Variants in LRP12 observed in about 807,000 individuals in gnomAD.
LRP12 encodes the protein low-density lipoprotein receptor-related protein 12.
LRP12 carries 14 observed loss-of-function variants against 66.0 expected under a neutral mutation model. That is an observed-to-expected ratio of 0.21 (90% confidence interval 0.14 to 0.33). The LOEUF (loss-of-function observed/expected upper bound fraction) is 0.33, where lower values mean the gene tolerates loss of function less well. Ranked by LOEUF, LRP12 falls within the 10% of genes least tolerant of loss-of-function variation. LRP12 has a pLI of 1.00. For missense variants in LRP12, 889 were observed against 1,053.4 expected (o/e 0.84, Z 2.16); for synonymous variants, 357 against 359.1 (o/e 0.99, Z 0.07).
At position 104,490,548 on chromosome 8, in the gene LRP12, TATA is replaced by T. The variant is rs543562720; in HGVS notation, c.*122_*124del. 6,195 of 1,110,672 alleles carry T rather than the reference TATA, an allele frequency of 5.6e-3. 30 individuals are homozygous for T. The highest frequency in any genetic ancestry group is 7.2e-3 in the Non-Finnish European group (5,603 of 782,622). 68.8% of individuals were successfully genotyped at this position (1,110,672 alleles called of 1,614,324 possible). On this transcript the variant is annotated 3_prime_UTR_variant, in exon 7 of 7. Coordinates refer to ENST00000276654, the MANE Select transcript of LRP12 (RefSeq NM_013437.5). ...TCGAATTTAACCATGCAGGCTAACA[TATA>T]ATAATAAGAAATCACCCTGCATTTT...
intron 3 of LRP12, chr8:104,508,663 G>T (rs1810943983): frequency 3.9e-6 from 1 of 254,234 alleles, no homozygotes; most frequent in Non-Finnish European, 7.5e-6. Context: ...ACCCTAATAG[G>T]CTATTTTGCA....
In LRP12 at chr8:104,536,754, A is replaced by T. The variant is rs72679140; in HGVS notation, c.80-4791T>A. 7.5e-3 allele frequency among the ~76,000 whole-genome samples: 1,131 copies of T among 151,264 alleles called. 11 individuals are homozygous for T. The highest frequency in any genetic ancestry group is 0.011 in the Non-Finnish European group (751 of 67,714). On this transcript the variant is annotated intron_variant, in intron 1 of 6. Coordinates refer to ENST00000276654, the MANE Select transcript of LRP12 (RefSeq NM_013437.5). ...AGTGCGATTAGACAAGAATTGTTTT[A>T]AAAAAAAAGTAAAACTGTGTCCATG...
intron 3 of LRP12, among the ~76,000 whole-genome samples, chr8:104,503,974 A>G (rs1171144340): frequency 6.6e-6 from 1 of 152,106 alleles, no homozygotes; most frequent in African/African-American, 2.4e-5. Flanking sequence ...CAGGTTAAGG[A>G]AATTCCTTTT....
chr8:104,565,875 T>TAC (rs371469927), intron 1 of LRP12, among the ~76,000 whole-genome samples: 8 of 114,232 alleles, frequency 7.0e-5, no homozygotes, highest in South Asian at 2.8e-4. Flanking sequence ...AAAAAAAAAA[T>TAC]ACACACACAC....
chr8:104,490,370 A>AT lies in LRP12; in HGVS notation c.*302dup. ...TAGGATAGATAAAAATGACAATCAA[A>AT]TGAGTTTCAGCAGCCACATTTCTAC... On this transcript the variant is annotated 3_prime_UTR_variant, in exon 7 of 7. Transcript: ENST00000276654. The AT allele has an allele frequency of 4.0e-6, 1 of 250,344 alleles. No individual in the cohort carries two copies. Among genetic ancestry groups the AT allele is most frequent in the Admixed American group, 4.9e-5 (1 of 20,294 alleles). 15.5% of individuals were successfully genotyped at this position (250,344 alleles called of 1,614,324 possible). A position where few individuals can be genotyped will look rare whatever the true frequency, so the allele number is the denominator to read the frequency against.
Position 104,491,155 on chromosome 8 carries a change from T to C in LRP12, c.2098A>G (p.Thr700Ala). The C allele has an allele frequency of 1.2e-6, 2 of 1,614,088 alleles. No individual in the cohort carries two copies. The highest frequency in any genetic ancestry group is 1.7e-6 in the Non-Finnish European group (2 of 1,180,022). ...CCATTATCTGCATGACCACCTCGGG[T>C]ACTCTGAGTTGAGGAACTTGCACAT... ...GACASSSTQS[T>A]RGGHADNGRD... The change falls in exon 7 of 7, where the codon ACC becomes GCC. Residue 700 changes from threonine (T) to alanine (A), a missense_variant. Thr to Ala is a moderately conservative substitution (Grantham distance 58). Coordinates refer to ENST00000276654, the MANE Select transcript of LRP12 (RefSeq NM_013437.5).
At position 104,501,826 on chromosome 8, in the gene LRP12, A is replaced by G. The variant is rs373912448; in HGVS notation, c.273-2307T>C. 5.7e-4 allele frequency among the ~76,000 whole-genome samples: 87 copies of G among 152,178 alleles called. 1 individual carries two copies. The highest frequency in any genetic ancestry group is 2.0e-3 in the African/African-American group (82 of 41,536). ...AACCTTTTAATAAGCAGAAGTTTTA[A>G]ATTTTAGTCTTCATTAAGTCTAATT... On this transcript the variant is annotated intron_variant, in intron 3 of 6. Transcript: ENST00000276654.
chr8:104,584,616 C>T (rs1812302776), intron 1 of LRP12, among the ~76,000 whole-genome samples: 1 of 151,808 alleles, frequency 6.6e-6, no homozygotes, highest in South Asian at 2.1e-4. Flanking sequence ...CCTCCATACT[C>T]TATCTAGAAT....
chr8:104,532,357 C>G (rs1203151488), intron 1 of LRP12, among the ~76,000 whole-genome samples: 1 of 149,656 alleles, frequency 6.7e-6, no homozygotes, highest in Non-Finnish European at 1.5e-5. Flanking sequence ...CTGTCAGGGC[C>G]ACATATGTTG....
In LRP12 at chr8:104,508,933, A is replaced by T; in HGVS notation, c.272+6T>A. 1 of 1,606,618 alleles carries T rather than the reference A, an allele frequency of 6.2e-7. No individual in the cohort carries two copies. The highest frequency in any genetic ancestry group is 8.5e-7 in the Non-Finnish European group (1 of 1,175,322). The stretch of plus-strand genomic sequence containing the variant: ...ATTATATAGTAATACAGAAAGGTAG[A>T]ATTACCTTATAGTAATGATTTCGCC... On this transcript the variant is annotated splice_donor_region_variant and intron_variant, in intron 3 of 6. Transcript: ENST00000276654.
chr8:104,548,386 A>G (rs1400187520), intron 1 of LRP12, among the ~76,000 whole-genome samples: 1 of 82,408 alleles, frequency 1.2e-5, no homozygotes, highest in Non-Finnish European at 2.0e-5. Context: ...ATATAAATAT[A>G]TAATATATAT....
At position 104,549,169 on chromosome 8, in the gene LRP12, T is replaced by G. The variant is rs117564060; in HGVS notation, c.80-17206A>C. 7.6e-3 allele frequency among the ~76,000 whole-genome samples: 1,150 copies of G among 152,170 alleles called. 10 individuals are homozygous for G. The highest frequency in any genetic ancestry group is 0.014 in the Middle Eastern group (4 of 294). ...TAAAAAACAAAAGCAAAACCACTAC[T>G]TTCTTGCCAGTGCACCTCCTTCCTT... On this transcript the variant is annotated intron_variant, in intron 1 of 6. Coordinates refer to ENST00000276654, the MANE Select transcript of LRP12 (RefSeq NM_013437.5).
intron 1 of LRP12, among the ~76,000 whole-genome samples, chr8:104,549,340 C>T (rs1434602605): frequency 6.6e-6 from 1 of 151,252 alleles, no homozygotes; most frequent in Non-Finnish European, 1.5e-5. Flanking sequence ...CATGTGGAAA[C>T]GGATACCAAT....
At chr8:104,583,882 T>G (rs1053334533) in intron 1 of LRP12, among the ~76,000 whole-genome samples, 7 of 152,332 alleles carry the variant, frequency 4.6e-5, no homozygotes, top group Non-Finnish European at 8.8e-5. Flanking sequence ...ATTAAGTACT[T>G]GTAAGTAAAT....
chr8:104,567,135 A>G (rs1812017725), intron 1 of LRP12, among the ~76,000 whole-genome samples: 1 of 152,198 alleles, frequency 6.6e-6, no homozygotes, highest in African/African-American at 2.4e-5. Flanking sequence ...GGTTTTGGCC[A>G]GGAGAATTAG....
At chr8:104,500,257 T>C (rs76405558) in intron 3 of LRP12, among the ~76,000 whole-genome samples, 2,724 of 152,326 alleles carry the variant, frequency 0.018, 88 homozygotes, top group African/African-American at 0.061. Flanking sequence ...AAGATCTGAC[T>C]TTATATTCTT....
chr8:104,533,459 T>C (rs763609954), intron 1 of LRP12, among the ~76,000 whole-genome samples: 4 of 152,200 alleles, frequency 2.6e-5, no homozygotes, highest in South Asian at 2.1e-4. Context: ...GTGCTAGAAA[T>C]GCAGAGACTC....
At chr8:104,537,187 C>CGT (rs1259031539) in intron 1 of LRP12, among the ~76,000 whole-genome samples, 1 of 151,940 alleles carries the variant, frequency 6.6e-6, no homozygotes, top group Non-Finnish European at 1.5e-5. Context: ...TTCCTGGACT[C>CGT]TGGCATATTG....
Position 104,491,094 on chromosome 8 carries a change from C to T in LRP12, c.2159G>A (p.Ser720Asn), listed in dbSNP as rs1348718783. Residue 720 changes from serine (S) to asparagine (N), a missense_variant, in exon 7 of 7, where the codon AGT becomes AAT. Transcript: ENST00000276654. ...ACTTGTAAGCTGGTGACGTGCTGGACTCACACTTGGGGGTTCCACACTTGT... is the reference window on the plus strand; with the variant it reads ...ACTTGTAAGCTGGTGACGTGCTGGATTCACACTTGGGGGTTCCACACTTGT... ...DVTSVEPPSV[S>N]PARHQLTSAL... 1 of 1,614,104 alleles carries T rather than the reference C, an allele frequency of 6.2e-7. No individual in the cohort carries two copies. Among genetic ancestry groups the T allele is most frequent in the Non-Finnish European group, 8.5e-7 (1 of 1,180,026 alleles).
Sources: gnomAD v4.1 joint callset for allele counts (sites outside exome capture counted in the v4.1 genomes callset) on GRCh38, gnomAD v4.1.1 for gene constraint, MANE v1.5 for transcripts, NCBI Gene and HGNC (gene_info 2026-07-23, HGNC 2026-07-21) for gene names.